Variants in AIG1 observed in about 807,000 individuals in gnomAD.
The protein encoded by AIG1 is androgen induced 1, also known as androgen-induced gene 1 protein.
Under a neutral mutation model 31.4 loss-of-function variants are expected in AIG1, and 23 were observed. The observed-to-expected ratio is 0.73, with a 90% CI of 0.53 to 1.04. The LOEUF (loss-of-function observed/expected upper bound fraction) is 1.04. Ranked by LOEUF, AIG1 falls within the 50% of genes least tolerant of loss-of-function variation. The pLI is 0.00. For missense variants in AIG1, 274 were observed against 295.0 expected, an observed-to-expected ratio of 0.93 and a Z score of 0.52; for synonymous variants, 100 against 110.5, an observed-to-expected ratio of 0.90 and a Z score of 0.60.
chr6:143,303,879 G>C (rs940948485), intron 4 of AIG1, among the ~76,000 whole-genome samples: 3 of 147,756 alleles, frequency 2.0e-5, no homozygotes, highest in African/African-American at 7.6e-5. Context: ...TCTTCCATTT[G>C]TTTGTATCCT....
intron 4 of AIG1, among the ~76,000 whole-genome samples, chr6:143,286,622 G>T (rs1260304357): frequency 6.6e-6 from 1 of 152,048 alleles, no homozygotes; most frequent in Non-Finnish European, 1.5e-5. Context: ...CAAAGGTTCG[G>T]GATATGAAAT....
At chr6:143,117,943 G>A (rs567529962) in intron 1 of AIG1, among the ~76,000 whole-genome samples, 56 of 152,282 alleles carry the variant, frequency 3.7e-4, no homozygotes, top group Non-Finnish European at 6.8e-4. Context: ...TTTCCTATCA[G>A]GGATTGGATT....
chr6:143,275,294 G>A (rs1231283225), intron 3 of AIG1, among the ~76,000 whole-genome samples: 3 of 152,032 alleles, frequency 2.0e-5, no homozygotes, highest in African/African-American at 7.3e-5. Flanking sequence ...CAGGAGAGGG[G>A]AGCGACTTGA....
chr6:143,199,387 A>G (rs917681356), intron 3 of AIG1, among the ~76,000 whole-genome samples: 3 of 152,116 alleles, frequency 2.0e-5, no homozygotes, highest in Admixed American at 2.0e-4. Context: ...AATAGTTGAA[A>G]TTAAATCGGG....
intron 1 of AIG1, among the ~76,000 whole-genome samples, chr6:143,105,463 A>G (rs1433066926): frequency 6.6e-6 from 1 of 152,250 alleles, no homozygotes; most frequent in Non-Finnish European, 1.5e-5. Context: ...ATATTTGTCC[A>G]GGAGTATCAT....
intron 4 of AIG1, among the ~76,000 whole-genome samples, chr6:143,306,624 T>G (rs201920917): frequency 0.13 from 20,010 of 151,686 alleles, 1,533 homozygotes; most frequent in East Asian, 0.35. Flanking sequence ...CTCTCTGGCT[T>G]CCCTTAACAT....
chr6:143,072,014 A>G (rs1169060316), intron 1 of AIG1, among the ~76,000 whole-genome samples: 1 of 151,092 alleles, frequency 6.6e-6, no homozygotes, highest in Non-Finnish European at 1.5e-5. Flanking sequence ...CTGGTCTCAA[A>G]CTCTTGGCCT....
At chr6:143,342,633 A>G, downstream of AIG1, 1 of 1,142,970 alleles carries the variant, frequency 8.7e-7, no homozygotes, top group Non-Finnish European at 1.3e-6. Flanking sequence ...CCAGGGGTCC[A>G]GAGTTATTTT....
At chr6:143,306,182 T>G (rs2128702856) in intron 4 of AIG1, among the ~76,000 whole-genome samples, 1 of 152,056 alleles carries the variant, frequency 6.6e-6, no homozygotes, top group East Asian at 1.9e-4. Context: ...TTTATCCAAT[T>G]TACCAGTCTG....
At chr6:143,260,868 A>G (rs1795724834) in intron 3 of AIG1, among the ~76,000 whole-genome samples, 1 of 152,182 alleles carries the variant, frequency 6.6e-6, no homozygotes, top group Non-Finnish European at 1.5e-5. Flanking sequence ...CAATTCATTG[A>G]ACAGTATATT....
intron 2 of AIG1, among the ~76,000 whole-genome samples, chr6:143,153,891 A>T (rs1475290616): frequency 2.6e-5 from 4 of 151,650 alleles, no homozygotes; most frequent in Admixed American, 2.6e-4. Flanking sequence ...TCTGACATTT[A>T]ATTTATTTAT....
chr6:143,076,934 G>A (rs183351559), intron 1 of AIG1, among the ~76,000 whole-genome samples: 2 of 152,318 alleles, frequency 1.3e-5, no homozygotes, highest in African/African-American at 4.8e-5. Context: ...GCCTCCCAAA[G>A]TGCTGGGATT....
downstream of AIG1, chr6:143,343,148 A>G (rs547163317): frequency 2.5e-5 from 19 of 750,410 alleles, no homozygotes; most frequent in East Asian, 4.5e-4. Flanking sequence ...ATTTACTTCC[A>G]ATGTTCACAT....
intron 1 of AIG1, among the ~76,000 whole-genome samples, chr6:143,070,983 G>A (rs886490086): frequency 3.3e-5 from 5 of 152,178 alleles, no homozygotes; most frequent in Admixed American, 1.3e-4. Context: ...TTGCAAAACT[G>A]TATTATAATA....
At chr6:143,123,490 A>G (rs1433277343) in intron 1 of AIG1, among the ~76,000 whole-genome samples, 1 of 152,060 alleles carries the variant, frequency 6.6e-6, no homozygotes, top group Non-Finnish European at 1.5e-5. Flanking sequence ...TCCTGGGTTA[A>G]TATTGTTGTT....
chr6:143,280,355 G>A lies in AIG1; in HGVS notation c.400-3755G>A, dbSNP rs976164265. Among the ~76,000 whole-genome samples, 7 of 152,164 alleles carry A rather than the reference G, an allele frequency of 4.6e-5. No homozygotes were observed. The highest frequency in any genetic ancestry group is 2.0e-4 in the Admixed American group (3 of 15,274). ...AAAAGTAGAACTACCATTAGACCCA[G>A]CAATCCCATCACTGGGTACGTGCCC... On this transcript the variant is annotated intron_variant, in intron 3 of 5. Coordinates refer to ENST00000357847, the MANE Select transcript of AIG1 (RefSeq NM_016108.4). This position sits in a 1 kb window ranked among gnomAD's most constrained non-coding sequence, Gnocchi z 4.1.
chr6:143,238,515 C>G lies in AIG1; in HGVS notation c.400-45595C>G, dbSNP rs572944303. On this transcript the variant is annotated intron_variant, in intron 3 of 5. Coordinates refer to ENST00000357847, the MANE Select transcript of AIG1 (RefSeq NM_016108.4). ...AACTGGGTCATATGTTGAGCCTAAG[C>G]CAATCATAACTTGTCCTTTGGGTCT... is the stretch of plus-strand genomic sequence containing the variant. Among the ~76,000 whole-genome samples, 112 of 152,292 alleles carry G rather than the reference C, an allele frequency of 7.4e-4. No individual in the cohort carries two copies. The South Asian group carries it at 0.013, about 18-fold the overall frequency.
chr6:143,176,628 G>A lies in AIG1; in HGVS notation c.399+11445G>A, dbSNP rs558444591. ...TGACACAGGTCACCAGGGAAGTGAG[G>A]GAAAGCCATCAGCCACAGGCCTCAC... On this transcript the variant is annotated intron_variant, in intron 3 of 5. Coordinates refer to ENST00000357847, the MANE Select transcript of AIG1 (RefSeq NM_016108.4). 1.1e-4 allele frequency among the ~76,000 whole-genome samples: 17 copies of A among 152,240 alleles called. No homozygotes were observed. The East Asian group carries it at 3.3e-3, about 29-fold the overall frequency.
chr6:143,126,274 A>C (rs956149471), intron 1 of AIG1: 7 of 152,220 alleles, frequency 4.6e-5, no homozygotes, highest in African/African-American at 1.7e-4. Flanking sequence ...ACGGAGTAGC[A>C]TTCAAATATG....
Sources: gnomAD v4.1 joint callset for allele counts (sites outside exome capture counted in the v4.1 genomes callset) on GRCh38, gnomAD v4.1.1 for gene constraint, Gnocchi (gnomAD v3.1) non-coding constraint, MANE v1.5 for transcripts, NCBI Gene and HGNC (gene_info 2026-07-23, HGNC 2026-07-21) for gene names.